Variants in SPAG17 observed in about 807,000 individuals in gnomAD.
SPAG17 encodes sperm associated antigen 17.
A neutral mutation model predicts 273.6 loss-of-function variants in SPAG17; 169 were observed. The observed-to-expected ratio is 0.62, with a 90% CI of 0.55 to 0.70. The LOEUF is 0.70. Ranked by LOEUF, SPAG17 falls within the 30% of genes least tolerant of loss-of-function variation. The pLI, the probability that SPAG17 is intolerant of heterozygous loss-of-function variation, is 0.00. For synonymous variants in SPAG17, 825 were observed against 873.2 expected (o/e 0.94, Z 0.97); for missense variants, 2,557 against 2,627.8 (o/e 0.97, Z 0.59).
intron 38 of SPAG17, among the ~76,000 whole-genome samples, chr1:117,990,383 G>A (rs1557874307): frequency 2.0e-5 from 3 of 152,138 alleles, no homozygotes; most frequent in Admixed American, 1.3e-4. Flanking sequence ...AACCACATTT[G>A]TTAGGGCTGT....
intron 44 of SPAG17, among the ~76,000 whole-genome samples, chr1:117,972,335 T>A (rs1358983057): frequency 6.6e-6 from 1 of 152,240 alleles, no homozygotes; most frequent in Non-Finnish European, 1.5e-5. Flanking sequence ...TCTGTGCTCT[T>A]TCATCTGTGC....
chr1:118,038,281 G>T (rs1649324279), intron 23 of SPAG17, among the ~76,000 whole-genome samples: 1 of 152,152 alleles, frequency 6.6e-6, no homozygotes, highest in African/African-American at 2.4e-5. Context: ...GAAAATAATG[G>T]TGAGGATATA....
intron 4 of SPAG17, among the ~76,000 whole-genome samples, chr1:118,106,837 G>C (rs536723557): frequency 6.6e-6 from 1 of 152,290 alleles, no homozygotes; most frequent in East Asian, 1.9e-4. Flanking sequence ...TGGCCCTCCA[G>C]GTTCTCCTAG....
chr1:117,992,472 G>C lies in SPAG17; in HGVS notation c.5355C>G (p.Ser1785=), dbSNP rs140762055. 6.2e-7 allele frequency: 1 copy of C among 1,606,650 alleles called. No individual in the cohort carries two copies. Among genetic ancestry groups the C allele is most frequent in the Non-Finnish European group, 8.5e-7 (1 of 1,177,372 alleles). The change falls in exon 36 of 49, where the codon TCC becomes TCG. Residue 1785 remains serine, a synonymous_variant. Coordinates refer to ENST00000336338, the MANE Select transcript of SPAG17 (RefSeq NM_206996.4). Reference sequence around the variant, plus strand: ...GTCACCTAGATTCCATTACCTTAAGGGAAACCTGCAGCCTCAGTTTCACCT... The same window carrying C: ...GTCACCTAGATTCCATTACCTTAAGCGAAACCTGCAGCCTCAGTTTCACCT... ...KNEVKLRLQV[S]LKDYINYILK... is the part of the protein sequence containing the mutation.
chr1:118,005,664 GA>G, intron 31 of SPAG17, 62 bp from the exon 32 acceptor site: 1 of 1,226,900 alleles, frequency 8.2e-7, no homozygotes, highest in South Asian at 2.5e-5. Flanking sequence ...GTGGGACTTG[GA>G]AAACCATTTT....
At chr1:118,141,990 T>C (rs894913550) in intron 3 of SPAG17, among the ~76,000 whole-genome samples, 5 of 151,754 alleles carry the variant, frequency 3.3e-5, no homozygotes, top group Admixed American at 6.6e-5. Context: ...AATGTCTACT[T>C]AACTTTCAGT....
At chr1:118,046,170 C>T (rs1203567105) in intron 20 of SPAG17, among the ~76,000 whole-genome samples, 6 of 151,352 alleles carry the variant, frequency 4.0e-5, no homozygotes, top group Non-Finnish European at 8.8e-5. Flanking sequence ...GACTCCATCT[C>T]TACAAAAAGT....
chr1:118,082,416 C>G (rs1185418095), intron 13 of SPAG17, among the ~76,000 whole-genome samples: 1 of 152,094 alleles, frequency 6.6e-6, no homozygotes, highest in African/African-American at 2.4e-5. Flanking sequence ...CATTTTCTCT[C>G]CAGCAAAGAT....
At chr1:118,087,167 C>A in intron 10 of SPAG17, 159 bp from the exon 11 acceptor site, 1 of 640,330 alleles carries the variant, frequency 1.6e-6, no homozygotes, top group East Asian at 3.0e-5. Flanking sequence ...TCAGTGATCA[C>A]CAAGTAAAAG....
At chr1:118,115,544 C>A in intron 3 of SPAG17, 103 bp from the exon 4 acceptor site, 3 of 1,195,986 alleles carry the variant, frequency 2.5e-6, no homozygotes, top group South Asian at 3.4e-5. Flanking sequence ...ATTTGTCATA[C>A]TGGAAAGATA....
At chr1:118,126,774 C>G (rs1389501202) in intron 3 of SPAG17, among the ~76,000 whole-genome samples, 1 of 152,054 alleles carries the variant, frequency 6.6e-6, no homozygotes. Context: ...TATCAATGTC[C>G]TAAAGTATTT....
chr1:118,101,935 A>G lies in SPAG17; in HGVS notation c.448-9T>C. 1 of 1,604,396 alleles carries G rather than the reference A, an allele frequency of 6.2e-7. No homozygotes were observed. The highest frequency in any genetic ancestry group is 8.5e-7 in the Non-Finnish European group (1 of 1,176,828). On this transcript the variant is annotated splice_polypyrimidine_tract_variant and intron_variant, in intron 4 of 48. Coordinates refer to ENST00000336338, the MANE Select transcript of SPAG17 (RefSeq NM_206996.4). ...GGTTTGTCTTCTATTACCTGGAATG[A>G]GAGAACACTTTTTTCTCCAAATCAA...
chr1:118,043,237 G>A (rs1239069022), intron 20 of SPAG17, among the ~76,000 whole-genome samples: 1 of 152,196 alleles, frequency 6.6e-6, no homozygotes, highest in Admixed American at 6.5e-5. Flanking sequence ...TATTTGAACA[G>A]ATAATGCCTG....
chr1:118,147,101 C>T (rs1218758064), intron 3 of SPAG17, among the ~76,000 whole-genome samples: 2 of 152,142 alleles, frequency 1.3e-5, no homozygotes, highest in Non-Finnish European at 2.9e-5. Context: ...GCCTACCACG[C>T]GCCAGGCTTA....
intron 15 of SPAG17, among the ~76,000 whole-genome samples, chr1:118,074,915 A>C (rs1190321803): frequency 6.6e-6 from 1 of 152,226 alleles, no homozygotes; most frequent in Non-Finnish European, 1.5e-5. Flanking sequence ...TAAAAGTTGT[A>C]ATTATTTACT....
At chr1:118,026,609 A>C (rs1328515153) in intron 26 of SPAG17, among the ~76,000 whole-genome samples, 2 of 152,184 alleles carry the variant, frequency 1.3e-5, no homozygotes, top group Non-Finnish European at 2.9e-5. Context: ...AATTTTCCAG[A>C]GTTTTCAGAT....
chr1:118,104,035 T>C (rs1252306019), intron 4 of SPAG17, among the ~76,000 whole-genome samples: 4 of 152,110 alleles, frequency 2.6e-5, no homozygotes, highest in East Asian at 1.9e-4. Flanking sequence ...AACAAGTTTA[T>C]GTCTTAACTA....
intron 3 of SPAG17, among the ~76,000 whole-genome samples, chr1:118,118,329 TG>T (rs1457646225): frequency 3.9e-5 from 6 of 152,054 alleles, no homozygotes; most frequent in African/African-American, 1.4e-4. Flanking sequence ...GTGTGTGCAC[TG>T]GGGGGTAAGC....
At position 118,081,628 on chromosome 1, in the gene SPAG17, T is replaced by C. The variant is rs779216873; in HGVS notation, c.1777A>G (p.Asn593Asp). 4 of 1,613,860 alleles carry C rather than the reference T, an allele frequency of 2.5e-6. No individual in the cohort carries two copies. Residue 593 changes from asparagine (N) to aspartate (D), a missense_variant, in exon 14 of 49, where the codon AAT becomes GAT. By Grantham distance (23) the Asn-to-Asp change is conservative (BLOSUM62 1). Transcript: ENST00000336338. The part of the protein sequence containing the change: ...HFCTSDVLSW[N>D]EVERAFKVFT... ...ACCTTGAAGGCTCGTTCTACTTCATTCCAGCTCAAGACATCTGTAAGAAAG... is the reference window on the plus strand; with the variant it reads ...ACCTTGAAGGCTCGTTCTACTTCATCCCAGCTCAAGACATCTGTAAGAAAG...
Sources: allele counts gnomAD v4.1 joint callset (sites outside exome capture counted in the v4.1 genomes callset), GRCh38; gene constraint gnomAD v4.1.1; transcripts MANE v1.5; gene names NCBI Gene and HGNC (gene_info 2026-07-23, HGNC 2026-07-21).